Variants in GIT2 observed in about 807,000 individuals in gnomAD.
The protein encoded by GIT2 is GIT ArfGAP 2.
GIT2 carries 32 observed loss-of-function variants against 100.3 expected under a neutral mutation model. That is an observed-to-expected ratio of 0.32 (90% CI 0.24 to 0.43). The LOEUF is 0.43. GIT2 is among the 20% of genes least tolerant of loss of function. The pLI, the probability that GIT2 is intolerant of heterozygous loss-of-function variation, is 1.00. For missense variants in GIT2, 737 were observed against 975.1 expected, an observed-to-expected ratio of 0.76 and a Z score of 3.25; for synonymous variants, 353 against 364.1, an observed-to-expected ratio of 0.97 and a Z score of 0.35.
At chr12:109,985,319 T>C (rs1887137977) in intron 4 of GIT2, among the ~76,000 whole-genome samples, 2 of 151,918 alleles carry the variant, frequency 1.3e-5, no homozygotes, top group African/African-American at 4.8e-5. Flanking sequence ...ACCCAACACA[T>C]ACCAAGTCTT....
rs77183614 is a variant in GIT2 at position 109,948,931 on chromosome 12, A to C, written c.1393-1427T>G. 5.4e-4 allele frequency: 467 copies of C among 858,730 alleles called. 1 individual carries two copies. In the African/African-American group the frequency reaches 6.9e-3, roughly 13 times the overall value. 53.2% of individuals were successfully genotyped at this position (858,730 alleles called of 1,614,324 possible). A position where few individuals can be genotyped will look rare whatever the true frequency, so the allele number is the denominator to read the frequency against. On this transcript the variant is annotated intron_variant, in intron 14 of 19. Transcript: ENST00000355312. The surrounding 1 kb of genome is among the most constrained non-coding windows in gnomAD (Gnocchi z 4.3). ...AAAACTTTACCCAACTTTGAAATAT[A>C]ATCAATACATCTTTGCTAAATAAAC...
intron 7 of GIT2, among the ~76,000 whole-genome samples, chr12:109,970,488 G>A (rs1340549427): frequency 9.9e-5 from 15 of 152,042 alleles, no homozygotes; most frequent in African/African-American, 3.1e-4. Flanking sequence ...GCAAGACTCC[G>A]TCTTAAAAAA....
At position 109,996,209 on chromosome 12, in the gene GIT2, G is replaced by A. The variant is rs747587627; in HGVS notation, c.16C>T (p.Arg6Trp). ...CAGTCAGCGCACACCTCGCTGCTCC[G>A]GAGCCGTTTCGACATGGCTCCCACC... MSKRLRSSEVCADCSG... is the reference protein window; with the variant it reads MSKRLWSSEVCADCSG... The change falls in exon 1 of 20, where the codon CGG (arginine) becomes TGG (tryptophan). Residue 6 changes from arginine to tryptophan, a missense_variant. Physicochemically the swap from Arg to Trp is moderately radical, Grantham distance 101. Around this residue, in one of 3 missense-constraint regions of GIT2, gnomAD observed 266 missense variants for 376.2 expected, o/e 0.71. Coordinates refer to ENST00000355312, the MANE Select transcript of GIT2 (RefSeq NM_057169.5). The A allele has an allele frequency of 2.2e-4, 338 of 1,532,730 alleles. No homozygotes were observed. Among genetic ancestry groups the A allele is most frequent in the Non-Finnish European group, 2.8e-4 (322 of 1,139,918 alleles). The allele number at this position is 1,532,730 out of a possible 1,614,324, so 94.9% of individuals were successfully genotyped here. A position where few individuals can be genotyped will look rare whatever the true frequency, so the allele number is the denominator to read the frequency against.
intron 18 of GIT2, 148 bp downstream of exon 18, chr12:109,938,232 C>T: frequency 1.8e-6 from 1 of 552,116 alleles, no homozygotes; most frequent in Admixed American, 3.4e-5. Flanking sequence ...CCAAAACTGA[C>T]ATTGTTCTTA....
chr12:109,980,769 C>T (rs1886161737), intron 7 of GIT2, 183 bp downstream of exon 7: 3 of 581,660 alleles, frequency 5.2e-6, no homozygotes, highest in African/African-American at 1.9e-5. Flanking sequence ...GAGTTTTGTC[C>T]AACTTTATAT....
intron 17 of GIT2, 95 bp downstream of exon 17, chr12:109,939,070 G>T: frequency 1.4e-6 from 1 of 735,104 alleles, no homozygotes; most frequent in Non-Finnish European, 2.5e-6. Flanking sequence ...TAGAGAAAAG[G>T]GGTGTGTGTG....
Position 109,938,531 on chromosome 12 carries a change from G to A in GIT2, c.1852C>T (p.Pro618Ser), listed in dbSNP as rs146186322. The change falls in exon 18 of 20, where the codon CCA (proline) becomes TCA (serine). Residue 618 changes from proline to serine, a missense_variant. By Grantham distance (74) the Pro-to-Ser change is moderately conservative. Transcript: ENST00000355312. ...GTGTCTGGTACCAAGCCATCCCCTG[G>A]CCACACCATACTTCTTTGCCGTCCC... ...RKGRQRSMVW[P>S]GDGLVPDTAE... 3.7e-6 allele frequency: 6 copies of A among 1,610,186 alleles called. No individual in the cohort carries two copies. The African/African-American group carries it at 6.7e-5, about 18-fold the overall frequency.
At chr12:109,949,141 A>G in intron 14 of GIT2, 1 of 394,528 alleles carries the variant, frequency 2.5e-6, no homozygotes, top group Non-Finnish European at 4.5e-6. Context: ...TTCCAGGGAA[A>G]GAACAGCTGC....
intron 9 of GIT2, among the ~76,000 whole-genome samples, chr12:109,963,009 A>G (rs1881449511): frequency 6.6e-6 from 1 of 151,798 alleles, no homozygotes; most frequent in African/African-American, 2.4e-5. Flanking sequence ...TTGTCTCGAA[A>G]AAAAAAGAAA....
chr12:109,967,692 T>C (rs2136494565), intron 7 of GIT2, among the ~76,000 whole-genome samples, 189 bp from the exon 8 acceptor site: 1 of 152,330 alleles, frequency 6.6e-6, no homozygotes, highest in East Asian at 1.9e-4. Flanking sequence ...CTTGTTTTTT[T>C]CTGGTACAAA....
At chr12:109,971,682 GCTAGT>G (rs1883906084) in intron 7 of GIT2, among the ~76,000 whole-genome samples, 1 of 151,762 alleles carries the variant, frequency 6.6e-6, no homozygotes, top group Non-Finnish European at 1.5e-5. Context: ...ATTGCTCACT[GCTAGT>G]CTAAAGAAAT....
At chr12:109,945,763 T>A (rs1876145272) in intron 15 of GIT2, among the ~76,000 whole-genome samples, 1 of 152,228 alleles carries the variant, frequency 6.6e-6, no homozygotes, top group Non-Finnish European at 1.5e-5. Flanking sequence ...ATTCTAATTT[T>A]TTCTAAAATA....
At chr12:109,991,381 T>C (rs1162078601) in intron 2 of GIT2, among the ~76,000 whole-genome samples, 2 of 152,078 alleles carry the variant, frequency 1.3e-5, no homozygotes, top group Non-Finnish European at 2.9e-5. Flanking sequence ...GATATTTTAA[T>C]GACTATTCAT....
chr12:109,987,898 T>C (rs902049175), intron 4 of GIT2, among the ~76,000 whole-genome samples: 2 of 152,298 alleles, frequency 1.3e-5, no homozygotes, highest in African/African-American at 4.8e-5. Flanking sequence ...AAGGCCCACA[T>C]AAAGAAAACC....
chr12:109,998,751 C>G (rs1008908959), upstream of GIT2: 10 of 152,116 alleles, frequency 6.6e-5, no homozygotes, highest in Non-Finnish European at 1.2e-4. Flanking sequence ...AGAAGCGGTT[C>G]TCAACTGAGG....
Position 109,932,018 on chromosome 12 carries a change from G to GT in GIT2, c.*959dup, listed in dbSNP as rs1364131754. On this transcript the variant is annotated 3_prime_UTR_variant, in exon 20 of 20. Transcript: ENST00000355312. ...GTGAAGCAACTCATGTGAGAAAGCT[G>GT]TAAGTGGTCAGAGAAGCAAGCTGAC... The GT allele has an allele frequency of 6.6e-6, 1 of 152,272 alleles. No individual in the cohort carries two copies. The highest frequency in any genetic ancestry group is 1.5e-5 in the Non-Finnish European group (1 of 68,060). The allele number at this position is 152,272 out of a possible 1,614,324, so 9.4% of individuals were successfully genotyped here.
chr12:109,946,798 C>G (rs952134063), intron 15 of GIT2, among the ~76,000 whole-genome samples: 1 of 152,136 alleles, frequency 6.6e-6, no homozygotes, highest in Admixed American at 6.5e-5. Flanking sequence ...TCAAGGCCAC[C>G]TGCTTGAGGA....
chr12:109,950,509 C>T (rs936276730), intron 14 of GIT2, among the ~76,000 whole-genome samples: 6 of 152,186 alleles, frequency 3.9e-5, no homozygotes, highest in Non-Finnish European at 8.8e-5. Flanking sequence ...TTCCTTGCTA[C>T]CATCAACCAC....
intron 4 of GIT2, among the ~76,000 whole-genome samples, chr12:109,986,759 C>A (rs7485187): frequency 0.026 from 3,913 of 150,436 alleles, 166 homozygotes; most frequent in African/African-American, 0.091. Context: ...AGCAAGACTC[C>A]GTCTCAAAAA....
Sources: gnomAD v4.1 joint callset for allele counts (sites outside exome capture counted in the v4.1 genomes callset) on GRCh38, gnomAD v4.1.1 for gene constraint, gnomAD v4.1.1 regional missense constraint, Gnocchi (gnomAD v3.1) non-coding constraint, MANE v1.5 for transcripts, NCBI Gene and HGNC (gene_info 2026-07-23, HGNC 2026-07-21) for gene names.